The following SNX29 variants were observed in gnomAD, a reference collection of about 807,000 sequenced individuals.
SNX29 encodes the protein sorting nexin-29.
In SNX29, 78 loss-of-function variants were observed where a neutral mutation model predicts 102.1. The ratio of observed to expected loss-of-function variants is 0.76; its 90% CI spans 0.64 to 0.92. SNX29 has a LOEUF of 0.92. Among genes scored for constraint, SNX29 ranks in the 40% least tolerant of loss-of-function variants. The pLI is 0.00. For missense variants in SNX29, 1,280 were observed against 1,061.7 expected (o/e 1.21, Z -2.86); for synonymous variants, 580 against 414.5 (o/e 1.40, Z -4.85).
intron 13 of SNX29, among the ~76,000 whole-genome samples, chr16:12,182,024 C>T (rs1030796818): frequency 6.6e-6 from 1 of 152,004 alleles, no homozygotes; most frequent in African/African-American, 2.4e-5. Context: ...GCTAGGACTA[C>T]AGGCATGCGC....
chr16:12,368,739 C>T (rs1474730172), intron 16 of SNX29, among the ~76,000 whole-genome samples: 2 of 152,228 alleles, frequency 1.3e-5, no homozygotes, highest in African/African-American at 4.8e-5. Flanking sequence ...TTCTCTTCTC[C>T]AGCATATGTT....
At chr16:12,239,119 T>C (rs1297932685) in intron 14 of SNX29, among the ~76,000 whole-genome samples, 1 of 152,204 alleles carries the variant, frequency 6.6e-6, no homozygotes, top group Non-Finnish European at 1.5e-5. Context: ...TGTAGTCTTT[T>C]AGCTTGGCAC....
At position 12,568,927 on chromosome 16, in the gene SNX29, G is replaced by A; in HGVS notation, c.*298G>A. ...TGTTCCTCCACCTTTCTGTAGTTCA[G>A]GGCTGGCAGGAGGGTGGGCACCAGG... On this transcript the variant is annotated 3_prime_UTR_variant, in exon 21 of 21. Transcript: ENST00000566228. The A allele has an allele frequency of 2.4e-6, 1 of 418,148 alleles. No individual in the cohort carries two copies. Among genetic ancestry groups the A allele is most frequent in the South Asian group, 3.9e-5 (1 of 25,734 alleles). The allele number at this position is 418,148 out of a possible 1,614,324, so 25.9% of individuals were successfully genotyped here.
At chr16:12,558,516 T>G (rs957762800) in intron 20 of SNX29, among the ~76,000 whole-genome samples, 1 of 152,242 alleles carries the variant, frequency 6.6e-6, no homozygotes, top group Non-Finnish European at 1.5e-5. Flanking sequence ...GAGCACTGTT[T>G]ACCCCAGGGA....
intron 14 of SNX29, among the ~76,000 whole-genome samples, chr16:12,257,403 C>G (rs930036610): frequency 1.3e-5 from 2 of 152,180 alleles, no homozygotes; most frequent in African/African-American, 4.8e-5. Flanking sequence ...GTCTGTAACT[C>G]TAATTATATC....
At chr16:12,403,135 T>C (rs1025121285) in intron 17 of SNX29, among the ~76,000 whole-genome samples, 2 of 151,820 alleles carry the variant, frequency 1.3e-5, no homozygotes, top group Non-Finnish European at 1.5e-5. Context: ...AGATACATTA[T>C]GGGCCAGATC....
At chr16:12,201,828 C>G (rs963070834) in intron 14 of SNX29, among the ~76,000 whole-genome samples, 6 of 152,204 alleles carry the variant, frequency 3.9e-5, no homozygotes, top group African/African-American at 1.4e-4. Flanking sequence ...AGAAGCACCA[C>G]TGGGCTTGCT....
At chr16:12,205,953 C>T (rs1353463700) in intron 14 of SNX29, among the ~76,000 whole-genome samples, 3 of 152,180 alleles carry the variant, frequency 2.0e-5, no homozygotes, top group African/African-American at 7.2e-5. Context: ...ATCTCATGGC[C>T]TTGAGTTGAT....
At chr16:12,173,096 G>A in intron 13 of SNX29, among the ~76,000 whole-genome samples, 1 of 152,192 alleles carries the variant, frequency 6.6e-6, no homozygotes, top group Non-Finnish European at 1.5e-5. Context: ...GTTCCACATT[G>A]CTCTGCAAGG....
intron 19 of SNX29, among the ~76,000 whole-genome samples, chr16:12,495,482 C>T (rs1169563516): frequency 6.6e-6 from 1 of 152,226 alleles, no homozygotes; most frequent in Non-Finnish European, 1.5e-5. Flanking sequence ...AGAACTGTTT[C>T]TCAGCTACCC....
chr16:12,554,959 A>AGATGGG (rs2078234164), intron 20 of SNX29, among the ~76,000 whole-genome samples: 1 of 147,678 alleles, frequency 6.8e-6, no homozygotes, highest in African/African-American at 2.7e-5. Context: ...AAAACAATGG[A>AGATGGG]GGTGGTGAGG....
intron 15 of SNX29, among the ~76,000 whole-genome samples, chr16:12,328,944 T>A (rs1010289712): frequency 4.6e-5 from 7 of 152,056 alleles, no homozygotes; most frequent in African/African-American, 1.7e-4. Context: ...CTATCTTGGC[T>A]TCATCCTTGG....
chr16:12,496,185 T>C (rs1030138328), intron 19 of SNX29, among the ~76,000 whole-genome samples: 18 of 152,226 alleles, frequency 1.2e-4, no homozygotes, highest in African/African-American at 4.1e-4. Flanking sequence ...TAGGTGACTA[T>C]ACTATGCAGT....
chr16:12,094,180 T>TACC (rs1379892680), intron 11 of SNX29, among the ~76,000 whole-genome samples: 2 of 152,050 alleles, frequency 1.3e-5, no homozygotes, highest in Non-Finnish European at 2.9e-5. Context: ...TTAAATGAAC[T>TACC]AACAGATGGA....
rs1023153150 is a variant in SNX29 at position 12,361,428 on chromosome 16, C to G, written c.1899+5149C>G. On this transcript the variant is annotated intron_variant, in intron 16 of 20. Transcript: ENST00000566228. ...ATTGTGGATAATAAAACCCGATTAA[C>G]CTGTACAAATGAATAACTGCTGATA... 1.2e-4 allele frequency among the ~76,000 whole-genome samples: 19 copies of G among 152,300 alleles called. No individual in the cohort carries two copies. In the East Asian group the frequency reaches 3.5e-3, roughly 28 times the overall value.
chr16:12,429,127 G>A (rs1207683807), intron 18 of SNX29, among the ~76,000 whole-genome samples: 1 of 151,922 alleles, frequency 6.6e-6, no homozygotes, highest in Non-Finnish European at 1.5e-5. Flanking sequence ...GCTCTTTCTA[G>A]TTAGTCCCAA....
chr16:12,283,347 G>A (rs961343669), intron 15 of SNX29, among the ~76,000 whole-genome samples: 7 of 147,644 alleles, frequency 4.7e-5, no homozygotes, highest in African/African-American at 1.7e-4. Flanking sequence ...TTGAGACAGA[G>A]CCTCACTCTG....
At chr16:12,123,619 C>T (rs372673484) in intron 11 of SNX29, among the ~76,000 whole-genome samples, 25 of 152,246 alleles carry the variant, frequency 1.6e-4, no homozygotes, top group East Asian at 3.9e-4. Flanking sequence ...CCTGCTGTTC[C>T]GTTTCTCTCC....
chr16:12,455,354 C>T (rs1383631268), intron 18 of SNX29, among the ~76,000 whole-genome samples: 1 of 152,074 alleles, frequency 6.6e-6, no homozygotes, highest in East Asian at 1.9e-4. Flanking sequence ...TTTTTGAGAA[C>T]CTCCAGCATT....
Sources: allele counts gnomAD v4.1 joint callset (sites outside exome capture counted in the v4.1 genomes callset), GRCh38; gene constraint gnomAD v4.1.1; transcripts MANE v1.5; gene names NCBI Gene and HGNC (gene_info 2026-07-23, HGNC 2026-07-21).